The following NALF2 variants were observed in gnomAD, a reference collection of about 807,000 sequenced individuals.
NALF2 encodes NALCN channel auxiliary factor 2, also known as bB57D9.1 (TED protein).
A neutral mutation model predicts 24.8 loss-of-function variants in NALF2; 1 was observed. The ratio of observed to expected loss-of-function variants is 0.04; its 90% confidence interval spans 0.01 to 0.19. NALF2 has a LOEUF of 0.19. Ranked by LOEUF, NALF2 falls within the 10% of genes least tolerant of loss-of-function variation. The probability of loss-of-function intolerance (pLI) is 1.00; values close to 1 mark genes in which losing one functional copy is unlikely to be tolerated. For missense variants in NALF2, 458 were observed against 409.6 expected (o/e 1.12, Z -1.02); for synonymous variants, 254 against 189.8 (o/e 1.34, Z -2.78).
chrX:69,517,171 C>G (rs766537826), intron 1 of NALF2, among the ~76,000 whole-genome samples: 6 of 111,673 alleles, frequency 5.4e-5, no homozygotes, highest in Non-Finnish European at 9.4e-5. Flanking sequence ...TGTGGAATAG[C>G]TGTTGAGAAC....
At chrX:69,510,736 A>T (rs986166280) in intron 1 of NALF2, among the ~76,000 whole-genome samples, 1 of 111,904 alleles carries the variant, frequency 8.9e-6, no homozygotes, top group African/African-American at 3.3e-5. Flanking sequence ...TTCACCAAGG[A>T]ATGTGAGCAT....
intron 1 of NALF2, among the ~76,000 whole-genome samples, chrX:69,518,798 A>G (rs1210991140): frequency 1.8e-5 from 2 of 112,173 alleles, no homozygotes; most frequent in African/African-American, 3.2e-5. Flanking sequence ...AAATACTTCC[A>G]ACTCTCTTAG....
In NALF2 at chrX:69,529,597, C is replaced by A. The variant is rs1336507140; in HGVS notation, c.1060C>A (p.Leu354Met). Residue 354 changes from leucine to methionine, a missense_variant, in exon 3 of 3, where the codon CTG becomes ATG. Physicochemically the swap from Leu to Met is conservative, Grantham distance 15. Transcript: ENST00000252338. Reference protein sequence around the residue: ...TGLLDTSPKRLETKCCDVQWV... With the variant: ...TGLLDTSPKRMETKCCDVQWV... ...GTTGCTGGATACTTCACCAAAGCGT[C>A]TGGAAACCAAGTGCTGTGACGTGCA... is the stretch of plus-strand genomic sequence containing the variant. 8 of 1,210,398 alleles carry A rather than the reference C, an allele frequency of 6.6e-6. No individual in the cohort carries two copies. The highest frequency in any genetic ancestry group is 8.9e-6 in the Non-Finnish European group (8 of 894,832).
rs1930917853 is a variant in NALF2 at position 69,532,322 on chromosome X, TC to T, written c.*2371del. 1 of 112,106 alleles carries T rather than the reference TC, an allele frequency of 8.9e-6. No individual in the cohort carries two copies. Among genetic ancestry groups the T allele is most frequent in the Admixed American group, 9.4e-5 (1 of 10,599 alleles). 9.2% of individuals were successfully genotyped at this position (112,106 alleles called of 1,213,427 possible). On this transcript the variant is annotated 3_prime_UTR_variant, in exon 3 of 3. Coordinates refer to ENST00000252338, the MANE Select transcript of NALF2 (RefSeq NM_015686.3). ...AGTCTCCAAACTGGTTTCCTAGTAGTCCCCCATCCCTTCCTCCCTTACCCAG... is the reference window on the plus strand; with the variant it reads ...AGTCTCCAAACTGGTTTCCTAGTAGTCCCCATCCCTTCCTCCCTTACCCAG...
chrX:69,515,400 A>G (rs1313621637), intron 1 of NALF2, among the ~76,000 whole-genome samples: 1 of 112,575 alleles, frequency 8.9e-6, no homozygotes, highest in East Asian at 2.8e-4. Context: ...CTAGATGTAC[A>G]GAATCAAAGA....
At chrX:69,509,810 A>G (rs1930553260) in intron 1 of NALF2, among the ~76,000 whole-genome samples, 1 of 112,283 alleles carries the variant, frequency 8.9e-6, no homozygotes, top group Non-Finnish European at 1.9e-5. Flanking sequence ...GCGTGGCCCC[A>G]AAGGGCTTTT....
chrX:69,529,998 C>T lies in NALF2; in HGVS notation c.*42C>T. The T allele has an allele frequency of 9.5e-7, 1 of 1,047,766 alleles. No homozygotes were observed. The highest frequency in any genetic ancestry group is 2.8e-4 in the Middle Eastern group (1 of 3,632). 86.3% of individuals were successfully genotyped at this position (1,047,766 alleles called of 1,213,427 possible). A position where few individuals can be genotyped will look rare whatever the true frequency, so the allele number is the denominator to read the frequency against. Reference sequence around the variant, plus strand: ...CAGACCTCCACCACACTGACATCAGCTCCAGCTCCCCCAGGTTGGGGGGGA... The same window carrying T: ...CAGACCTCCACCACACTGACATCAGTTCCAGCTCCCCCAGGTTGGGGGGGA... On this transcript the variant is annotated 3_prime_UTR_variant, in exon 3 of 3. Transcript: ENST00000252338.
intron 1 of NALF2, among the ~76,000 whole-genome samples, chrX:69,516,101 G>A (rs1383439637): frequency 8.9e-6 from 1 of 112,269 alleles, no homozygotes; most frequent in Non-Finnish European, 1.9e-5. Flanking sequence ...AAAAGTAAGG[G>A]TAGGTACTTT....
intron 1 of NALF2, among the ~76,000 whole-genome samples, chrX:69,520,330 A>G (rs1204654878): frequency 1.8e-5 from 2 of 112,323 alleles, no homozygotes; most frequent in African/African-American, 6.5e-5. Flanking sequence ...AGGATCCAAC[A>G]TAACACTGCT....
Position 69,514,282 on chromosome X carries a change from G to A in NALF2, c.861+8139G>A, listed in dbSNP as rs1296027176. Among the ~76,000 whole-genome samples, 3 of 110,888 alleles carry A rather than the reference G, an allele frequency of 2.7e-5. No homozygotes were observed. In the Admixed American group the frequency reaches 2.9e-4, roughly 11 times the overall value. ...CTTTCTGTCTCTAGGAATTTGAGTA[G>A]GTACTTCATATAAGTGGAGTCATAC... On this transcript the variant is annotated intron_variant, in intron 1 of 2. Coordinates refer to ENST00000252338, the MANE Select transcript of NALF2 (RefSeq NM_015686.3).
intron 1 of NALF2, among the ~76,000 whole-genome samples, chrX:69,513,958 C>T (rs1200395975): frequency 9.0e-6 from 1 of 111,082 alleles, no homozygotes; most frequent in Non-Finnish European, 1.9e-5. Context: ...TTTTGGAGGT[C>T]GAGCTGAGCA....
rs190071046 is a variant in NALF2, at chrX:69,531,856, G to A, written c.*1900G>A. On this transcript the variant is annotated 3_prime_UTR_variant, in exon 3 of 3. Transcript: ENST00000252338. ...AGAGTGCTCTTTTCAGCTGGGGAGG[G>A]GAAGAGGTGCTGGCTCCTTTCCAGA... 109 of 112,031 alleles carry A rather than the reference G, an allele frequency of 9.7e-4. No homozygotes were observed. The highest frequency in any genetic ancestry group is 3.3e-3 in the African/African-American group (102 of 30,654). The allele number at this position is 112,031 out of a possible 1,213,427, so 9.2% of individuals were successfully genotyped here. A position where few individuals can be genotyped will look rare whatever the true frequency, so the allele number is the denominator to read the frequency against.
At chrX:69,527,671 G>T (rs758522732) in intron 1 of NALF2, among the ~76,000 whole-genome samples, 2 of 112,141 alleles carry the variant, frequency 1.8e-5, no homozygotes, top group South Asian at 3.7e-4. Flanking sequence ...AACCATTGCT[G>T]TGAGGAACAA....
In NALF2 at chrX:69,504,896, GCC is replaced by G. The variant is rs1174386329; in HGVS notation, c.-386_-385del. Among the ~76,000 whole-genome samples, 3 of 107,661 alleles carry G rather than the reference GCC, an allele frequency of 2.8e-5. No individual in the cohort carries two copies. In the East Asian group the frequency reaches 8.9e-4, roughly 32 times the overall value. 93.5% of individuals were successfully genotyped at this position (107,661 alleles called of 115,157 possible). A position where few individuals can be genotyped will look rare whatever the true frequency, so the allele number is the denominator to read the frequency against. ...GCCGGTTTGGAGTGCGAGCCGGGCGGCCGCCGGCGCGGAGTGAAGTGGCACGG... is the reference window on the plus strand; with the variant it reads ...GCCGGTTTGGAGTGCGAGCCGGGCGGGCCGGCGCGGAGTGAAGTGGCACGG... On this transcript the variant is annotated 5_prime_UTR_variant, in exon 1 of 3. Transcript: ENST00000252338.
chrX:69,511,844 C>T (rs190139990), intron 1 of NALF2, among the ~76,000 whole-genome samples: 23 of 112,048 alleles, frequency 2.1e-4, no homozygotes, highest in African/African-American at 7.5e-4. Flanking sequence ...CTAAGCCATG[C>T]GGATGCATGT....
chrX:69,526,745 C>A (rs1930813745), intron 1 of NALF2, among the ~76,000 whole-genome samples: 1 of 110,782 alleles, frequency 9.0e-6, no homozygotes. Context: ...GTGAGAATGA[C>A]CCAGACATGT....
In NALF2 at chrX:69,505,819, C is replaced by T. The variant is rs760118397; in HGVS notation, c.537C>T (p.Phe179=). ...PDSLSRAPAE[F]PSAKKNLLKG... ...CCCTTTCCCGTGCCCCGGCCGAGTT[C>T]CCCTCCGCCAAAAAAAACTTGCTCA... The change falls in exon 1 of 3, where the codon TTC becomes TTT. Residue 179 remains phenylalanine, a synonymous_variant. Coordinates refer to ENST00000252338, the MANE Select transcript of NALF2 (RefSeq NM_015686.3). 7.4e-6 allele frequency: 9 copies of T among 1,210,372 alleles called. No individual in the cohort carries two copies. Among genetic ancestry groups the T allele is most frequent in the African/African-American group, 1.7e-5 (1 of 57,701 alleles).
intron 1 of NALF2, among the ~76,000 whole-genome samples, chrX:69,523,985 C>A (rs1333032096): frequency 8.9e-6 from 1 of 111,920 alleles, no homozygotes; most frequent in Non-Finnish European, 1.9e-5. Context: ...ACCGTGGCTG[C>A]ATACTAAAAT....
rs1930438312 is a variant in NALF2, at chrX:69,505,178, C to T, written c.-105C>T. On this transcript the variant is annotated 5_prime_UTR_variant, in exon 1 of 3. Transcript: ENST00000252338. Reference sequence around the variant, plus strand: ...TCACCATGCAGCCCCCGAGGTAGAGCCTGGACGGCGCCGAGGAGCGCAGAG... The same window carrying T: ...TCACCATGCAGCCCCCGAGGTAGAGTCTGGACGGCGCCGAGGAGCGCAGAG... 4.8e-6 allele frequency: 4 copies of T among 837,885 alleles called. No homozygotes were observed. Among genetic ancestry groups the T allele is most frequent in the Non-Finnish European group, 6.4e-6 (4 of 625,832 alleles). The allele number at this position is 837,885 out of a possible 1,213,427, so 69.1% of individuals were successfully genotyped here.
Sources: gnomAD v4.1 joint callset for allele counts (sites outside exome capture counted in the v4.1 genomes callset) on GRCh38, gnomAD v4.1.1 for gene constraint, MANE v1.5 for transcripts, NCBI Gene and HGNC (gene_info 2026-07-23, HGNC 2026-07-21) for gene names.